Variants in TRIM21 observed in about 807,000 individuals in gnomAD.
TRIM21 encodes tripartite motif containing 21, also known as E3 ubiquitin-protein ligase TRIM21.
A neutral mutation model predicts 36.1 loss-of-function variants in TRIM21; 35 were observed. The ratio of observed to expected loss-of-function variants is 0.97; its 90% CI spans 0.74 to 1.28. The LOEUF (loss-of-function observed/expected upper bound fraction) is 1.28. Among genes scored for constraint, TRIM21 ranks in the 50% most tolerant of loss-of-function variants. The pLI is 0.00. For missense variants in TRIM21, 635 were observed against 570.7 expected, an observed-to-expected ratio of 1.11 and a Z score of -1.15; for synonymous variants, 256 against 211.5, an observed-to-expected ratio of 1.21 and a Z score of -1.83.
chr11:4,389,982 A>G lies in TRIM21; in HGVS notation c.408+20T>C. On this transcript the variant is annotated intron_variant, in intron 2 of 6. Transcript: ENST00000254436. Reference sequence around the variant, plus strand: ...CTGCTCTGAAAACGAAGCACTCACCAGGTGTCTCTTAGGCCTCACCTGGTA... The same window carrying G: ...CTGCTCTGAAAACGAAGCACTCACCGGGTGTCTCTTAGGCCTCACCTGGTA... The G allele has an allele frequency of 6.2e-7, 1 of 1,610,296 alleles. No homozygotes were observed. The highest frequency in any genetic ancestry group is 8.5e-7 in the Non-Finnish European group (1 of 1,177,436).
chr11:4,389,676 G>A lies in TRIM21; in HGVS notation c.482C>T (p.Ala161Val). The A allele has an allele frequency of 6.2e-7, 1 of 1,613,782 alleles. No individual in the cohort carries two copies. ...ELAEKLEVEI[A>V]IKRADWKKTV... ...TACCTTCCAGTCTGCTCTCTTTATTGCAATTTCCACTTCCAACTTCTCAGC... is the reference window on the plus strand; with the variant it reads ...TACCTTCCAGTCTGCTCTCTTTATTACAATTTCCACTTCCAACTTCTCAGC... The change falls in exon 3 of 7, where the codon GCA (alanine) becomes GTA (valine). Residue 161 changes from alanine (A) to valine (V), a missense_variant. Ala to Val is a moderately conservative substitution (Grantham distance 64). Transcript: ENST00000254436.
chr11:4,389,665 C>T lies in TRIM21; in HGVS notation c.493G>A (p.Ala165Thr). 6.2e-7 allele frequency: 1 copy of T among 1,613,880 alleles called. No homozygotes were observed. The highest frequency in any genetic ancestry group is 8.5e-7 in the Non-Finnish European group (1 of 1,179,790). Reference sequence around the variant, plus strand: ...GATGTCATTCTTACCTTCCAGTCTGCTCTCTTTATTGCAATTTCCACTTCC... The same window carrying T: ...GATGTCATTCTTACCTTCCAGTCTGTTCTCTTTATTGCAATTTCCACTTCC... The part of the protein sequence containing the change: ...KLEVEIAIKR[A>T]DWKKTVETQK... The change falls in exon 3 of 7, where the codon GCA becomes ACA. Residue 165 changes from alanine (A) to threonine (T), a missense_variant. By Grantham distance (58) the Ala-to-Thr change is moderately conservative. Transcript: ENST00000254436.
rs199890612 is a variant in TRIM21 at position 4,390,161 on chromosome 11, G to A, written c.249C>T (p.Ala83=). 1.9e-5 allele frequency: 30 copies of A among 1,614,018 alleles called. No individual in the cohort carries two copies. The highest frequency in any genetic ancestry group is 2.5e-5 in the Non-Finnish European group (29 of 1,179,894). ...VNNLKEISQE[A]REGTQGERCA... is the part of the protein sequence containing the mutation. ...ACCGTTCCCCCTGTGTGCCCTCTCT[G>A]GCCTCCTGGCTGATTTCTTTAAGGT... is the stretch of plus-strand genomic sequence containing the variant. The change falls in exon 2 of 7, where the codon GCC becomes GCT. Residue 83 remains alanine (A), a synonymous_variant. Transcript: ENST00000254436.
Position 4,385,096 on chromosome 11 carries a change from G to C in TRIM21, c.*189C>G. 1.7e-6 allele frequency: 1 copy of C among 574,752 alleles called. No homozygotes were observed. The highest frequency in any genetic ancestry group is 3.0e-6 in the Non-Finnish European group (1 of 331,128). The allele number at this position is 574,752 out of a possible 1,614,324, so 35.6% of individuals were successfully genotyped here. ...CAAATATAAGGAGGCTGCTTCACTGGAGGGAATCACAAAGCCATCTGGGGC... is the reference window on the plus strand; with the variant it reads ...CAAATATAAGGAGGCTGCTTCACTGCAGGGAATCACAAAGCCATCTGGGGC... On this transcript the variant is annotated 3_prime_UTR_variant, in exon 7 of 7. Transcript: ENST00000254436.
rs2094954487 is a variant in TRIM21, at chr11:4,385,113, A to C, written c.*172T>G. 3.3e-6 allele frequency: 2 copies of C among 615,022 alleles called. No homozygotes were observed. The highest frequency in any genetic ancestry group is 5.5e-6 in the Non-Finnish European group (2 of 364,420). 38.1% of individuals were successfully genotyped at this position (615,022 alleles called of 1,614,324 possible). A position where few individuals can be genotyped will look rare whatever the true frequency, so the allele number is the denominator to read the frequency against. Reference sequence around the variant, plus strand: ...CTTCACTGGAGGGAATCACAAAGCCATCTGGGGCAGGAATGTTGATGGTGA... The same window carrying C: ...CTTCACTGGAGGGAATCACAAAGCCCTCTGGGGCAGGAATGTTGATGGTGA... On this transcript the variant is annotated 3_prime_UTR_variant, in exon 7 of 7. Transcript: ENST00000254436.
rs1057346672 is a variant in TRIM21 at position 4,384,966 on chromosome 11, A to T, written c.*319T>A. 2 of 301,168 alleles carry T rather than the reference A, an allele frequency of 6.6e-6. No individual in the cohort carries two copies. The highest frequency in any genetic ancestry group is 1.2e-5 in the Non-Finnish European group (2 of 163,940). The allele number at this position is 301,168 out of a possible 1,614,324, so 18.7% of individuals were successfully genotyped here. ...GCAAACCATACAAGATATAATAGAG[A>T]TCTCACCAAAGACGACATCCTAGAG... On this transcript the variant is annotated 3_prime_UTR_variant, in exon 7 of 7. Coordinates refer to ENST00000254436, the MANE Select transcript of TRIM21 (RefSeq NM_003141.4).
chr11:4,387,966 C>T (rs2094958342), intron 4 of TRIM21, among the ~76,000 whole-genome samples: 2 of 152,162 alleles, frequency 1.3e-5, no homozygotes, highest in African/African-American at 4.8e-5. Context: ...CTCTGAGTGA[C>T]ACTGAACAGG....
At chr11:4,391,981 G>T (rs1007761480) in intron 1 of TRIM21, among the ~76,000 whole-genome samples, 18 of 152,018 alleles carry the variant, frequency 1.2e-4, no homozygotes, top group African/African-American at 4.3e-4. Flanking sequence ...ATGGTTAATG[G>T]GTACAAAAGT....
chr11:4,386,369 G>C, intron 5 of TRIM21, 112 bp from the exon 6 acceptor site: 1 of 903,428 alleles, frequency 1.1e-6, no homozygotes, highest in East Asian at 2.6e-5. Context: ...AATTTACAAA[G>C]ACCTCTGGTG....
At position 4,390,146 on chromosome 11, in the gene TRIM21, CT is replaced by C. The variant is rs2094961333; in HGVS notation, c.263del (p.Gln88ArgfsTer56). 1 of 1,614,056 alleles carries C rather than the reference CT, an allele frequency of 6.2e-7. No homozygotes were observed. On this transcript the variant is annotated frameshift_variant, in exon 2 of 7. Coordinates refer to ENST00000254436, the MANE Select transcript of TRIM21 (RefSeq NM_003141.4). LOFTEE classifies it high-confidence loss of function. Reference protein sequence around the residue: ...EISQEAREGTQGERCAVHGER... With the variant: ...EISQEAREGTXGERCAVHGER... The stretch of plus-strand genomic sequence containing the variant: ...CTCCATGCACTGCACACCGTTCCCC[CT>C]GTGTGCCCTCTCTGGCCTCCTGGCT...
chr11:4,385,183 C>G lies in TRIM21; in HGVS notation c.*102G>C. 1 of 1,188,624 alleles carries G rather than the reference C, an allele frequency of 8.4e-7. No individual in the cohort carries two copies. The highest frequency in any genetic ancestry group is 1.2e-6 in the Non-Finnish European group (1 of 857,370). The allele number at this position is 1,188,624 out of a possible 1,614,324, so 73.6% of individuals were successfully genotyped here. A position where few individuals can be genotyped will look rare whatever the true frequency, so the allele number is the denominator to read the frequency against. The stretch of plus-strand genomic sequence containing the variant: ...CTCGCTTGCTGGGATCCGGATGCCT[C>G]TGCAGAGACAAAGGTGGTTCAGAGT... On this transcript the variant is annotated 3_prime_UTR_variant, in exon 7 of 7. Coordinates refer to ENST00000254436, the MANE Select transcript of TRIM21 (RefSeq NM_003141.4).
At position 4,388,372 on chromosome 11, in the gene TRIM21, C is replaced by G; in HGVS notation, c.663G>C (p.Gln221His). ...AGATGAGCTCCTGTAGGGCCTGGCT[C>G]TGCTGGGCCAGCTTGGCCTCTTTCT... ...LGEKEAKLAQ[Q>H]SQALQELISE... Residue 221 changes from glutamine (Q) to histidine (H), a missense_variant, in exon 4 of 7, where the codon CAG becomes CAC. Coordinates refer to ENST00000254436, the MANE Select transcript of TRIM21 (RefSeq NM_003141.4). The G allele has an allele frequency of 1.2e-6, 2 of 1,613,972 alleles. No individual in the cohort carries two copies. Among genetic ancestry groups the G allele is most frequent in the Non-Finnish European group, 1.7e-6 (2 of 1,179,894 alleles).
intron 5 of TRIM21, among the ~76,000 whole-genome samples, chr11:4,386,632 T>C (rs919252970): frequency 6.6e-6 from 1 of 152,078 alleles, no homozygotes; most frequent in African/African-American, 2.4e-5. Flanking sequence ...TTTTGGGAGG[T>C]AACTGGTTAG....
chr11:4,385,596 A>G lies in TRIM21; in HGVS notation c.1117T>C (p.Ser373Pro). 6.2e-7 allele frequency: 1 copy of G among 1,612,996 alleles called. No individual in the cohort carries two copies. ...VRRKGHFLLS[S>P]KSGFWTIWLW... is the part of the protein sequence containing the mutation. ...CAAATTGTCCAGAAGCCACTCTTGG[A>G]ACTAAGCAAAAAGTGCCCCTTCCTG... Residue 373 changes from serine (S) to proline (P), a missense_variant, in exon 7 of 7, where the codon TCC (serine) becomes CCC (proline). Transcript: ENST00000254436.
intron 4 of TRIM21, among the ~76,000 whole-genome samples, chr11:4,387,410 G>GA (rs2094957441): frequency 1.3e-5 from 2 of 152,132 alleles, no homozygotes; most frequent in Non-Finnish European, 1.5e-5. Context: ...GTTTGGGAAG[G>GA]AAAGGTTGGT....
At chr11:4,388,658 C>T in intron 3 of TRIM21, 128 bp from the exon 4 acceptor site, 2 of 858,632 alleles carry the variant, frequency 2.3e-6, no homozygotes, top group East Asian at 2.4e-5. Flanking sequence ...AACACACACA[C>T]ATGCACACGC....
chr11:4,390,576 C>A lies in TRIM21; in HGVS notation c.-49-118G>T, dbSNP rs368582857. 2.7e-4 allele frequency: 183 copies of A among 686,322 alleles called. No homozygotes were observed. In the African/African-American group the frequency reaches 3.0e-3, roughly 11 times the overall value. The allele number at this position is 686,322 out of a possible 1,614,324, so 42.5% of individuals were successfully genotyped here. On this transcript the variant is annotated intron_variant, in intron 1 of 6. Coordinates refer to ENST00000254436, the MANE Select transcript of TRIM21 (RefSeq NM_003141.4). The stretch of plus-strand genomic sequence containing the variant: ...CATTCTTCACAAAAATAGGAAAAAA[C>A]AATCCTAAAATTTATATGGAATCAC...
chr11:4,393,336 CCCTTCT>C (rs1186840864), intron 1 of TRIM21, among the ~76,000 whole-genome samples: 1 of 152,012 alleles, frequency 6.6e-6, no homozygotes, highest in Admixed American at 6.5e-5. Flanking sequence ...GGGCCCCTTC[CCCTTCT>C]GGGTAACTCC....
At chr11:4,388,980 T>G (rs145449318) in intron 3 of TRIM21, among the ~76,000 whole-genome samples, 139 of 152,232 alleles carry the variant, frequency 9.1e-4, no homozygotes, top group African/African-American at 3.2e-3. Flanking sequence ...CTTGGGGACA[T>G]TCTTTGCTTT....
Sources: gnomAD v4.1 joint callset for allele counts (sites outside exome capture counted in the v4.1 genomes callset) on GRCh38, gnomAD v4.1.1 for gene constraint, MANE v1.5 for transcripts, NCBI Gene and HGNC (gene_info 2026-07-23, HGNC 2026-07-21) for gene names.